Variants in DOCK8 observed in about 807,000 individuals in gnomAD.
DOCK8 encodes the protein dedicator of cytokinesis protein 8.
Under a neutral mutation model 245.6 loss-of-function variants are expected in DOCK8, and 141 were observed. The ratio of observed to expected loss-of-function variants is 0.57; its 90% CI spans 0.50 to 0.66. DOCK8 has a LOEUF of 0.66. Among genes scored for constraint, DOCK8 ranks in the 30% least tolerant of loss-of-function variants. The pLI is 0.00. For synonymous variants in DOCK8, 1,168 were observed against 970.2 expected, an observed-to-expected ratio of 1.20 and a Z score of -3.79; for missense variants, 2,965 against 2,603.4, an observed-to-expected ratio of 1.14 and a Z score of -3.02.
chr9:447,021 C>G (rs1170567605), intron 44 of DOCK8, among the ~76,000 whole-genome samples: 5 of 152,090 alleles, frequency 3.3e-5, no homozygotes, highest in Admixed American at 3.3e-4. Context: ...TGCACGTGGG[C>G]AGCCCCAGTG....
intron 6 of DOCK8, among the ~76,000 whole-genome samples, chr9:315,212 C>T (rs970290111): frequency 6.6e-6 from 1 of 152,198 alleles, no homozygotes; most frequent in South Asian, 2.1e-4. Flanking sequence ...TCATCTCTCT[C>T]ATACTGTCTC....
intron 39 of DOCK8, 115 bp downstream of exon 39, chr9:435,090 G>A (rs2056853644): frequency 8.1e-7 from 1 of 1,238,624 alleles, no homozygotes; most frequent in Non-Finnish European, 1.1e-6. Flanking sequence ...ATCACAACTG[G>A]GATGGGTGAG....
At chr9:275,528 G>T (rs1349327761) in intron 2 of DOCK8, among the ~76,000 whole-genome samples, 2 of 152,222 alleles carry the variant, frequency 1.3e-5, no homozygotes, top group East Asian at 3.9e-4. Context: ...GTTCCCTGGG[G>T]ACTTTAACTT....
intron 1 of DOCK8, among the ~76,000 whole-genome samples, chr9:232,385 T>G (rs537344497): frequency 1.3e-5 from 2 of 152,238 alleles, no homozygotes; most frequent in African/African-American, 4.8e-5. Flanking sequence ...TGCCAGGCTT[T>G]GGTATCAGGA....
At chr9:339,147 A>T (rs987122973) in intron 13 of DOCK8, 48 bp downstream of exon 13, 24 of 1,472,596 alleles carry the variant, frequency 1.6e-5, no homozygotes, top group Non-Finnish European at 1.8e-5. Flanking sequence ...AAAACTGCTT[A>T]TCGTTAGACA....
intron 33 of DOCK8, among the ~76,000 whole-genome samples, chr9:424,504 G>T (rs1452642756): frequency 6.6e-6 from 1 of 151,884 alleles, no homozygotes; most frequent in Non-Finnish European, 1.5e-5. Context: ...TACCCTCCTG[G>T]CCTCAAACAA....
chr9:366,167 A>G lies in DOCK8; in HGVS notation c.1680-1851A>G, dbSNP rs537087542. On this transcript the variant is annotated intron_variant, in intron 14 of 47. Transcript: ENST00000432829. ...TCTATGCTGATCCCTTCATTGTGAC[A>G]TGGCCTGTCATCTACTCTTCTGGGA... The G allele has an allele frequency of 3.2e-5, 5 of 155,744 alleles. No individual in the cohort carries two copies. In the East Asian group the frequency reaches 9.4e-4, roughly 29 times the overall value. 9.6% of individuals were successfully genotyped at this position (155,744 alleles called of 1,614,324 possible). A position where few individuals can be genotyped will look rare whatever the true frequency, so the allele number is the denominator to read the frequency against.
chr9:214,655 TC>T, upstream of DOCK8: 1 of 1,607,740 alleles, frequency 6.2e-7, no homozygotes, highest in Admixed American at 1.7e-5. Context: ...CGCGCTCCCT[TC>T]GGCCGGAGGT....
intron 26 of DOCK8, among the ~76,000 whole-genome samples, chr9:403,890 C>CTA (rs1204461968): frequency 5.6e-3 from 447 of 80,124 alleles, no homozygotes; most frequent in Admixed American, 7.3e-3. Flanking sequence ...CTCTCTCTCT[C>CTA]TCTATATATA....
chr9:341,212 CTGTA>C (rs146816816), intron 14 of DOCK8, among the ~76,000 whole-genome samples: 1,555 of 152,244 alleles, frequency 0.01, 28 homozygotes, highest in African/African-American at 0.035. Flanking sequence ...AGTCAAGTAA[CTGTA>C]TGTGTCTACT....
Position 328,170 on chromosome 9 carries a change from A to T in DOCK8, c.1043A>T (p.Lys348Met). 6.2e-7 allele frequency: 1 copy of T among 1,613,490 alleles called. No individual in the cohort carries two copies. ...TCCTCAGACATCTACCTGGTAGTCA[A>T]GGTAATTCAGTACGATCTGATTTGC... The part of the protein sequence containing the change: ...YPSSDIYLVV[K>M]IEKVLQQGEI... Residue 348 changes from lysine to methionine, a missense_variant and splice_region_variant, in exon 9 of 48, where the codon AAG becomes ATG. Transcript: ENST00000432829.
At chr9:360,322 TAAAAAAAA>T in intron 14 of DOCK8, among the ~76,000 whole-genome samples, 1 of 139,280 alleles carries the variant, frequency 7.2e-6, no homozygotes, top group South Asian at 2.3e-4. Context: ...TCTCAAAATT[TAAAAAAAA>T]AAAAAAAGAA....
intron 26 of DOCK8, among the ~76,000 whole-genome samples, chr9:401,782 A>G (rs1352152677): frequency 6.6e-6 from 1 of 152,218 alleles, no homozygotes; most frequent in African/African-American, 2.4e-5. Context: ...TGACTTTTCT[A>G]AAGGAAGTCC....
At chr9:311,745 A>G (rs2050122924) in intron 5 of DOCK8, among the ~76,000 whole-genome samples, 1 of 152,208 alleles carries the variant, frequency 6.6e-6, no homozygotes, top group African/African-American at 2.4e-5. Context: ...ACCTGCTTCC[A>G]GGTGAGAAGA....
Position 463,580 on chromosome 9 carries a change from G to C in DOCK8, c.6132G>C (p.Gln2044His), listed in dbSNP as rs2057874801. 1 of 1,614,022 alleles carries C rather than the reference G, an allele frequency of 6.2e-7. No homozygotes were observed. The highest frequency in any genetic ancestry group is 2.2e-5 in the East Asian group (1 of 44,896). ...CGGCAGACCAGAGGGAATATCAGCA[G>C]GAACTCAAAAAGAACTATAACAAGC... Reference protein sequence around the residue: ...LITADQREYQQELKKNYNKLK... With the variant: ...LITADQREYQHELKKNYNKLK... Residue 2044 changes from glutamine (Q) to histidine (H), a missense_variant, in exon 47 of 48, where the codon CAG becomes CAC. Physicochemically the swap from Gln to His is conservative, Grantham distance 24. Around this residue, in one of 3 missense-constraint regions of DOCK8, gnomAD observed 134 missense variants for 128.1 expected, o/e 1.05. Transcript: ENST00000432829.
intron 22 of DOCK8, 100 bp downstream of exon 22, chr9:382,785 C>T: frequency 6.8e-7 from 1 of 1,472,582 alleles, no homozygotes. Flanking sequence ...TGCTGCCCAC[C>T]ATGCTGGTCG....
intron 14 of DOCK8, chr9:340,752 T>A (rs992304739): frequency 5.4e-6 from 1 of 186,488 alleles, no homozygotes; most frequent in African/African-American, 2.4e-5. Context: ...AAATGAAATG[T>A]GATATTTATG....
upstream of DOCK8, chr9:214,411 A>T: frequency 2.1e-5 from 27 of 1,261,486 alleles, no homozygotes; most frequent in South Asian, 3.7e-4. Context: ...ATTGCTTGCA[A>T]AAGTTGATTT....
At chr9:226,321 C>G (rs1188480607) in intron 1 of DOCK8, among the ~76,000 whole-genome samples, 1 of 152,160 alleles carries the variant, frequency 6.6e-6, no homozygotes, top group Non-Finnish European at 1.5e-5. Context: ...ATTCAATTAT[C>G]TCGCACAACA....
Sources: allele counts gnomAD v4.1 joint callset (sites outside exome capture counted in the v4.1 genomes callset), GRCh38; gene constraint gnomAD v4.1.1; regional missense constraint gnomAD v4.1.1; transcripts MANE v1.5; gene names NCBI Gene and HGNC (gene_info 2026-07-23, HGNC 2026-07-21).